Variants in YPEL2 observed in about 807,000 individuals in gnomAD.
YPEL2 encodes the protein protein yippee-like 2.
A neutral mutation model predicts 19.1 loss-of-function variants in YPEL2; 2 were observed. The observed-to-expected ratio is 0.10, with a 90% CI of 0.04 to 0.33. The LOEUF is 0.33. Among genes scored for constraint, YPEL2 ranks in the 10% least tolerant of loss-of-function variants. The pLI, the probability that YPEL2 is intolerant of heterozygous loss-of-function variation, is 1.00. For synonymous variants in YPEL2, 52 were observed against 50.0 expected (o/e 1.04, Z -0.17); for missense variants, 66 against 140.7 (o/e 0.47, Z 2.68).
rs956419766 is a variant in YPEL2, at chr17:59,366,067, C to A, written c.117+12541C>A. On this transcript the variant is annotated intron_variant, in intron 2 of 4. Coordinates refer to ENST00000312655, the MANE Select transcript of YPEL2 (RefSeq NM_001005404.4). ...CTTTTCCTTCTTGTTAGGGTTGGCT[C>A]CACCAAGAGCAATTTTCTGTTTCCT... 21 of 152,998 alleles carry A rather than the reference C, an allele frequency of 1.4e-4. No individual in the cohort carries two copies. In the Admixed American group the frequency reaches 1.4e-3, roughly 10 times the overall value. The allele number at this position is 152,998 out of a possible 1,614,324, so 9.5% of individuals were successfully genotyped here.
At position 59,400,352 on chromosome 17, in the gene YPEL2, T is replaced by A. The variant is rs1215985494; in HGVS notation, c.*3162T>A. 3 of 152,646 alleles carry A rather than the reference T, an allele frequency of 2.0e-5. No homozygotes were observed. Among genetic ancestry groups the A allele is most frequent in the African/African-American group, 7.2e-5 (3 of 41,464 alleles). The allele number at this position is 152,646 out of a possible 1,614,324, so 9.5% of individuals were successfully genotyped here. A position where few individuals can be genotyped will look rare whatever the true frequency, so the allele number is the denominator to read the frequency against. ...CTTTTGTAAATAATATTTAATTTTT[T>A]AAATAATATATTTGGTGCTGTTTTC... is the stretch of plus-strand genomic sequence containing the variant. On this transcript the variant is annotated 3_prime_UTR_variant, in exon 5 of 5. Transcript: ENST00000312655.
At chr17:59,358,873 G>A (rs1157787881) in intron 2 of YPEL2, among the ~76,000 whole-genome samples, 2 of 151,032 alleles carry the variant, frequency 1.3e-5, no homozygotes, top group East Asian at 3.9e-4. Flanking sequence ...CTCTTAAAGT[G>A]CTGGGATTAC....
At chr17:59,356,810 A>G (rs540889776) in intron 2 of YPEL2, among the ~76,000 whole-genome samples, 1 of 152,272 alleles carries the variant, frequency 6.6e-6, no homozygotes, top group Non-Finnish European at 1.5e-5. Context: ...TTCTTACTTA[A>G]TCTGACATGG....
intron 2 of YPEL2, among the ~76,000 whole-genome samples, chr17:59,367,974 A>G (rs185892454): frequency 8.9e-4 from 136 of 152,326 alleles, no homozygotes; most frequent in African/African-American, 3.2e-3. Flanking sequence ...CTAAATTTTC[A>G]GTGTGGCATT....
At chr17:59,394,371 G>A (rs970550096) in intron 4 of YPEL2, among the ~76,000 whole-genome samples, 2 of 149,048 alleles carry the variant, frequency 1.3e-5, no homozygotes, top group Non-Finnish European at 3.0e-5. Flanking sequence ...TCACATCCCA[G>A]ACGGGGCGGC....
intron 1 of YPEL2, among the ~76,000 whole-genome samples, chr17:59,339,229 T>C (rs936357196): frequency 2.0e-5 from 3 of 151,678 alleles, no homozygotes; most frequent in Non-Finnish European, 2.9e-5. Context: ...TGAATTAACT[T>C]TCAGGACAGG....
chr17:59,385,079 G>C (rs1472108513), intron 2 of YPEL2, among the ~76,000 whole-genome samples: 3 of 152,158 alleles, frequency 2.0e-5, no homozygotes, highest in Non-Finnish European at 4.4e-5. Flanking sequence ...TTGAAGGTCA[G>C]CTAGTTCAAA....
Position 59,397,232 on chromosome 17 carries a change from T to C in YPEL2, c.*42T>C. 1 of 1,470,936 alleles carries C rather than the reference T, an allele frequency of 6.8e-7. No homozygotes were observed. The highest frequency in any genetic ancestry group is 9.2e-7 in the Non-Finnish European group (1 of 1,081,264). The allele number at this position is 1,470,936 out of a possible 1,614,324, so 91.1% of individuals were successfully genotyped here. On this transcript the variant is annotated 3_prime_UTR_variant, in exon 5 of 5. Transcript: ENST00000312655. ...CAACCCAGTGTCCACGTGAACGCCA[T>C]TCAACCGAACATTCTTCCCAAGCGT...
intron 2 of YPEL2, among the ~76,000 whole-genome samples, chr17:59,361,141 T>G (rs545286031): frequency 6.6e-6 from 1 of 152,316 alleles, no homozygotes; most frequent in South Asian, 2.1e-4. Context: ...TTGGGATAAT[T>G]TGTATAGCAC....
At chr17:59,392,315 A>G (rs1186988707) in intron 4 of YPEL2, among the ~76,000 whole-genome samples, 1 of 152,192 alleles carries the variant, frequency 6.6e-6, no homozygotes, top group Non-Finnish European at 1.5e-5. Flanking sequence ...CTTTGACTAA[A>G]TACCAAAAAA....
chr17:59,389,348 G>A lies in YPEL2; in HGVS notation c.162-12G>A. 1 of 1,611,490 alleles carries A rather than the reference G, an allele frequency of 6.2e-7. No individual in the cohort carries two copies. Among genetic ancestry groups the A allele is most frequent in the African/African-American group, 1.3e-5 (1 of 74,994 alleles). On this transcript the variant is annotated splice_polypyrimidine_tract_variant and intron_variant, in intron 3 of 4. Coordinates refer to ENST00000312655, the MANE Select transcript of YPEL2 (RefSeq NM_001005404.4). ...CTAACTACCCACTCTCTCTTCTTGT[G>A]CCTCGACATAGAGTTAATGTGGGCT...
intron 1 of YPEL2, among the ~76,000 whole-genome samples, chr17:59,352,987 T>C (rs977898654): frequency 6.6e-6 from 1 of 152,168 alleles, no homozygotes; most frequent in Non-Finnish European, 1.5e-5. Context: ...CTAATGAAAC[T>C]GCTGGGATGA....
intron 4 of YPEL2, among the ~76,000 whole-genome samples, chr17:59,394,567 G>A (rs2048028223): frequency 6.6e-6 from 1 of 151,548 alleles, no homozygotes; most frequent in African/African-American, 2.4e-5. Context: ...TTCCTAGATG[G>A]GATGGTGGCT....
intron 1 of YPEL2, among the ~76,000 whole-genome samples, chr17:59,334,640 C>T (rs1442778492): frequency 1.3e-5 from 2 of 151,802 alleles, no homozygotes; most frequent in Non-Finnish European, 2.9e-5. Context: ...ATTTTTCCCT[C>T]TTAGTTATTG....
At chr17:59,361,771 C>A (rs947410805) in intron 2 of YPEL2, among the ~76,000 whole-genome samples, 4 of 152,080 alleles carry the variant, frequency 2.6e-5, no homozygotes, top group Non-Finnish European at 5.9e-5. Flanking sequence ...AGGAAAAAAA[C>A]ACACACACAA....
At chr17:59,383,631 T>C (rs1230598623) in intron 2 of YPEL2, among the ~76,000 whole-genome samples, 1 of 101,926 alleles carries the variant, frequency 9.8e-6, no homozygotes, top group Non-Finnish European at 1.9e-5. Context: ...TATATATATA[T>C]ATATATATAT....
chr17:59,381,510 T>C (rs1347852473), intron 2 of YPEL2, among the ~76,000 whole-genome samples: 2 of 152,146 alleles, frequency 1.3e-5, no homozygotes, highest in Admixed American at 6.5e-5. Flanking sequence ...ACACATTTGC[T>C]CTGTTGCTGC....
At chr17:59,345,408 A>G (rs2047751053) in intron 1 of YPEL2, 1 of 152,216 alleles carries the variant, frequency 6.6e-6, no homozygotes, top group African/African-American at 2.4e-5. Flanking sequence ...AGAGGTGTCT[A>G]GAAAATGATG....
At chr17:59,361,983 A>T (rs2147943961) in intron 2 of YPEL2, among the ~76,000 whole-genome samples, 1 of 152,300 alleles carries the variant, frequency 6.6e-6, no homozygotes, top group East Asian at 1.9e-4. Flanking sequence ...AACTGTGAAA[A>T]CATTAAAGGT....
Sources: gnomAD v4.1 joint callset for allele counts (sites outside exome capture counted in the v4.1 genomes callset) on GRCh38, gnomAD v4.1.1 for gene constraint, MANE v1.5 for transcripts, NCBI Gene and HGNC (gene_info 2026-07-23, HGNC 2026-07-21) for gene names.